The following WDR49 variants were observed in gnomAD, a reference collection of about 807,000 sequenced individuals.
WDR49 encodes the protein WD repeat domain 49, also known as cilia- and flagella-associated protein 337.
Under a neutral mutation model 119.5 loss-of-function variants are expected in WDR49, and 107 were observed. The observed-to-expected ratio is 0.90, with a 90% CI of 0.77 to 1.05. The LOEUF (loss-of-function observed/expected upper bound fraction) is 1.05, where lower values mean the gene tolerates loss of function less well. WDR49 is among the 50% of genes least tolerant of loss of function. The probability of loss-of-function intolerance (pLI) is 0.00; values close to 1 mark genes in which losing one functional copy is unlikely to be tolerated. For synonymous variants in WDR49, 425 were observed against 418.8 expected (o/e 1.01, Z -0.18); for missense variants, 1,240 against 1,220.5 (o/e 1.02, Z -0.24).
At chr3:167,494,160 C>T (rs1751256642) in intron 18 of WDR49, among the ~76,000 whole-genome samples, 1 of 152,010 alleles carries the variant, frequency 6.6e-6, no homozygotes, top group Non-Finnish European at 1.5e-5. Context: ...CATCATTATC[C>T]CAATTTTACA....
intron 7 of WDR49, among the ~76,000 whole-genome samples, chr3:167,582,235 G>C (rs1288238519): frequency 6.6e-6 from 1 of 152,070 alleles, no homozygotes; most frequent in Non-Finnish European, 1.5e-5. Flanking sequence ...TAGAAGTTAA[G>C]CCTCTCAGTA....
chr3:167,512,154 G>A (rs1267184021), intron 16 of WDR49, among the ~76,000 whole-genome samples: 1 of 152,146 alleles, frequency 6.6e-6, no homozygotes, highest in African/African-American at 2.4e-5. Context: ...TCCTGAGTAG[G>A]TGAGACCTCC....
At chr3:167,582,949 A>AAC (rs369014712) in intron 7 of WDR49, among the ~76,000 whole-genome samples, 9,165 of 149,168 alleles carry the variant, frequency 0.061, 306 homozygotes, top group Non-Finnish European at 0.066. Flanking sequence ...TCTCAAAACA[A>AAC]ACACACACAC....
At chr3:167,633,287 A>T in intron 2 of WDR49, 1 of 368,962 alleles carries the variant, frequency 2.7e-6, no homozygotes, top group South Asian at 2.1e-5. Flanking sequence ...TATTACCATC[A>T]TAGCAGCAGA....
chr3:167,484,776 G>A (rs770468015), intron 18 of WDR49, among the ~76,000 whole-genome samples: 59 of 151,340 alleles, frequency 3.9e-4, no homozygotes, highest in Non-Finnish European at 7.4e-4. Flanking sequence ...TGGAGATGGT[G>A]GAATACCACG....
At chr3:167,575,034 A>G (rs1156597683) in intron 8 of WDR49, 5 of 985,088 alleles carry the variant, frequency 5.1e-6, no homozygotes, top group Non-Finnish European at 6.0e-6. Flanking sequence ...CAAAATCTCC[A>G]CTAGTCATTT....
chr3:167,610,287 CCTT>C (rs1380199634), intron 5 of WDR49, among the ~76,000 whole-genome samples: 17 of 152,114 alleles, frequency 1.1e-4, no homozygotes, highest in African/African-American at 3.9e-4. Flanking sequence ...TCTGACCTGC[CCTT>C]GTCCAGAGAG....
chr3:167,653,452 T>C lies in WDR49; in HGVS notation c.-27A>G. 1 of 1,460,146 alleles carries C rather than the reference T, an allele frequency of 6.8e-7. No individual in the cohort carries two copies. Among genetic ancestry groups the C allele is most frequent in the Middle Eastern group, 1.8e-4 (1 of 5,598 alleles). 90.4% of individuals were successfully genotyped at this position (1,460,146 alleles called of 1,614,324 possible). On this transcript the variant is annotated 5_prime_UTR_variant, in exon 2 of 19. Transcript: ENST00000682715. ...ATGGCTTCACCTTTTCTCAGTTGCC[T>C]TCAACTATTTCTATAAGGATGGATC...
rs76786038 is a variant in WDR49 at position 167,640,138 on chromosome 3, G to A, written c.166-12846C>T. Among the ~76,000 whole-genome samples, 287 of 151,898 alleles carry A rather than the reference G, an allele frequency of 1.9e-3. 13 individuals carry two copies. The East Asian group carries it at 0.053, about 28-fold the overall frequency. ...GAGAAAGAAATGGAGGAATCAATTA[G>A]ATAGAAATGTCCTCAATGTTTTTGC... On this transcript the variant is annotated intron_variant, in intron 2 of 18. Coordinates refer to ENST00000682715, the MANE Select transcript of WDR49 (RefSeq NM_001366157.1).
At chr3:167,582,464 C>T (rs926899525) in intron 7 of WDR49, among the ~76,000 whole-genome samples, 2 of 152,032 alleles carry the variant, frequency 1.3e-5, no homozygotes, top group African/African-American at 4.8e-5. Flanking sequence ...TGCCGTTTAT[C>T]TTTAAATTGC....
chr3:167,620,205 G>T (rs114410672), intron 5 of WDR49, among the ~76,000 whole-genome samples: 1,868 of 151,792 alleles, frequency 0.012, 33 homozygotes, highest in African/African-American at 0.043. Flanking sequence ...GAGCACATTG[G>T]TCACCTGAAT....
At chr3:167,546,087 G>A (rs1712179338) in intron 10 of WDR49, among the ~76,000 whole-genome samples, 1 of 151,710 alleles carries the variant, frequency 6.6e-6, no homozygotes, top group African/African-American at 2.4e-5. Flanking sequence ...ACAGTGAGGT[G>A]GCAGTGGGAG....
At chr3:167,597,798 C>T (rs545572217) in intron 7 of WDR49, among the ~76,000 whole-genome samples, 4 of 152,260 alleles carry the variant, frequency 2.6e-5, no homozygotes, top group African/African-American at 9.6e-5. Flanking sequence ...TTTGTTGTGG[C>T]CAATTTCTCC....
At chr3:167,617,564 T>A (rs1716661921) in intron 5 of WDR49, among the ~76,000 whole-genome samples, 1 of 152,140 alleles carries the variant, frequency 6.6e-6, no homozygotes, top group Non-Finnish European at 1.5e-5. Flanking sequence ...AAAAACCTTT[T>A]TTTTAAAGAA....
At chr3:167,484,132 T>C (rs562327775) in intron 18 of WDR49, among the ~76,000 whole-genome samples, 1 of 152,294 alleles carries the variant, frequency 6.6e-6, no homozygotes, top group African/African-American at 2.4e-5. Flanking sequence ...TAGGGTAAAG[T>C]CCACAGTTAT....
chr3:167,484,790 A>T (rs1190108596), intron 18 of WDR49, among the ~76,000 whole-genome samples: 2 of 145,202 alleles, frequency 1.4e-5, no homozygotes, highest in East Asian at 4.0e-4. Flanking sequence ...TACCACGGGT[A>T]AAAAAAAAAA....
intron 7 of WDR49, among the ~76,000 whole-genome samples, chr3:167,584,425 A>G (rs1714704920): frequency 6.6e-6 from 1 of 152,102 alleles, no homozygotes. Flanking sequence ...TTTTCATGGG[A>G]ATGGGACATT....
intron 7 of WDR49, among the ~76,000 whole-genome samples, chr3:167,595,670 A>G (rs1447369538): frequency 6.6e-6 from 1 of 152,236 alleles, no homozygotes; most frequent in Non-Finnish European, 1.5e-5. Flanking sequence ...AGCCATATGT[A>G]GAAAGCTGAA....
intron 2 of WDR49, among the ~76,000 whole-genome samples, chr3:167,643,768 G>A (rs1717991320): frequency 6.6e-6 from 1 of 152,008 alleles, no homozygotes; most frequent in African/African-American, 2.4e-5. Flanking sequence ...TTGTAAGAAT[G>A]AGTAAATGAT....
Sources: allele counts gnomAD v4.1 joint callset (sites outside exome capture counted in the v4.1 genomes callset), GRCh38; gene constraint gnomAD v4.1.1; transcripts MANE v1.5; gene names NCBI Gene and HGNC (gene_info 2026-07-23, HGNC 2026-07-21).